Variants in DPH6 observed in about 807,000 individuals in gnomAD.
The protein encoded by DPH6 is diphthamine biosynthesis 6.
A neutral mutation model predicts 38.2 loss-of-function variants in DPH6; 33 were observed. The ratio of observed to expected loss-of-function variants is 0.86; its 90% CI spans 0.65 to 1.15. DPH6 has a LOEUF of 1.15. Ranked by LOEUF, DPH6 falls within the 50% of genes most tolerant of loss-of-function variation. The pLI is 0.00. For missense variants in DPH6, 325 were observed against 320.0 expected (o/e 1.02, Z -0.12); for synonymous variants, 108 against 103.0 (o/e 1.05, Z -0.30).
chr15:35,330,314 A>AT (rs1417635594), downstream of DPH6, among the ~76,000 whole-genome samples: 1 of 152,188 alleles, frequency 6.6e-6, no homozygotes, highest in African/African-American at 2.4e-5. Context: ...GGTGATTTCC[A>AT]TTTTTATGAA....
chr15:35,378,061 C>T (rs1456128028), intron 7 of DPH6, among the ~76,000 whole-genome samples: 4 of 151,960 alleles, frequency 2.6e-5, no homozygotes, highest in Admixed American at 2.0e-4. Context: ...CCACACTGAT[C>T]TCTCTAAATT....
chr15:35,354,122 A>C (rs1404214961), intron 3 of DPH6, among the ~76,000 whole-genome samples: 1 of 152,176 alleles, frequency 6.6e-6, no homozygotes, highest in Non-Finnish European at 1.5e-5. Context: ...ATTTTTGCAC[A>C]TTGATTTTGT....
At chr15:35,467,998 T>C (rs2054149531) in intron 3 of DPH6, among the ~76,000 whole-genome samples, 1 of 152,216 alleles carries the variant, frequency 6.6e-6, no homozygotes, top group South Asian at 2.1e-4. Flanking sequence ...AACCAAAACA[T>C]TGTTAAGTGG....
rs530781837 is a variant in DPH6, at chr15:35,543,533, T to A, written c.24-1026A>T. On this transcript the variant is annotated intron_variant, in intron 1 of 8. Coordinates refer to ENST00000256538, the MANE Select transcript of DPH6 (RefSeq NM_080650.4). ...CTCTCCCTTTTACATTTCTTTTTCC[T>A]CCTGTTTCCCTTCTTTCCAATATTT... is the stretch of plus-strand genomic sequence containing the variant. 9.9e-5 allele frequency among the ~76,000 whole-genome samples: 15 copies of A among 152,166 alleles called. No homozygotes were observed. The South Asian group carries it at 3.1e-3, about 32-fold the overall frequency.
chr15:35,182,220 A>ATTTTTTTTTTT, the DPH6 span, among the ~76,000 whole-genome samples: 3 of 86,012 alleles, frequency 3.5e-5, no homozygotes, highest in African/African-American at 7.8e-5. Context: ...AACTCTAAGA[A>ATTTTTTTTTTT]TTTTTTTTTT....
chr15:35,467,306 C>T (rs753123987), intron 3 of DPH6, among the ~76,000 whole-genome samples: 2 of 152,004 alleles, frequency 1.3e-5, no homozygotes, highest in Non-Finnish European at 1.5e-5. Flanking sequence ...GGCTCATGCC[C>T]GTAATCCCAG....
intron 7 of DPH6, among the ~76,000 whole-genome samples, chr15:35,379,593 C>T (rs1319446397): frequency 6.6e-6 from 1 of 152,164 alleles, no homozygotes; most frequent in Non-Finnish European, 1.5e-5. Flanking sequence ...AACATGTTCA[C>T]TCACATCTTC....
chr15:35,538,401 G>T lies in DPH6; in HGVS notation c.185C>A (p.Ala62Glu). The T allele has an allele frequency of 6.2e-7, 1 of 1,608,932 alleles. No individual in the cohort carries two copies. The highest frequency in any genetic ancestry group is 1.1e-5 in the South Asian group (1 of 90,480). ...ATAGAGGGGAAGAGCCATTGCTTCT[G>T]CATACAAGTCAATGGCATGGTGCCC... ...TVGHHAIDLY[A>E]EAMALPLYRR... is the part of the protein sequence containing the mutation. Residue 62 changes from alanine to glutamate, a missense_variant, in exon 3 of 9, where the codon GCA becomes GAA. Physicochemically the swap from Ala to Glu is moderately radical, Grantham distance 107. Coordinates refer to ENST00000256538, the MANE Select transcript of DPH6 (RefSeq NM_080650.4).
At chr15:35,300,232 T>C (rs150778998) in intron 3 of DPH6, among the ~76,000 whole-genome samples, 39 of 152,136 alleles carry the variant, frequency 2.6e-4, no homozygotes, top group African/African-American at 8.2e-4. Context: ...TATAATCATG[T>C]AGTACTCATA....
At chr15:35,436,310 CA>C (rs1266918405) in intron 5 of DPH6, among the ~76,000 whole-genome samples, 1 of 150,990 alleles carries the variant, frequency 6.6e-6, no homozygotes, top group Non-Finnish European at 1.5e-5. Flanking sequence ...ACTAAAAATA[CA>C]AAAAATTAGC....
chr15:35,492,505 T>C (rs984478165), intron 3 of DPH6, among the ~76,000 whole-genome samples: 1 of 152,180 alleles, frequency 6.6e-6, no homozygotes, highest in African/African-American at 2.4e-5. Context: ...TTGGTAATAA[T>C]AATCTATAGT....
chr15:35,334,487 G>C (rs1172293976), intron 3 of DPH6, among the ~76,000 whole-genome samples: 3 of 151,900 alleles, frequency 2.0e-5, no homozygotes, highest in Non-Finnish European at 4.4e-5. Flanking sequence ...TTGCTGCACA[G>C]ATCATCCCAT....
chr15:35,502,067 G>A (rs2054634581), intron 3 of DPH6, among the ~76,000 whole-genome samples: 1 of 151,934 alleles, frequency 6.6e-6, no homozygotes, highest in Non-Finnish European at 1.5e-5. Flanking sequence ...TCAGAATATG[G>A]GGAAAAATAA....
intron 3 of DPH6, among the ~76,000 whole-genome samples, chr15:35,345,352 A>T (rs2052453416): frequency 6.6e-6 from 1 of 151,796 alleles, no homozygotes; most frequent in African/African-American, 2.4e-5. Flanking sequence ...TAATTTATAC[A>T]TTTATTTATT....
At chr15:35,471,753 GAAGT>G (rs533888849) in intron 3 of DPH6, among the ~76,000 whole-genome samples, 81 of 152,222 alleles carry the variant, frequency 5.3e-4, no homozygotes, top group Admixed American at 2.3e-3. Flanking sequence ...TTACTGATCA[GAAGT>G]AAGCTCTCTC....
chr15:35,339,000 G>C (rs937217595), intron 3 of DPH6, among the ~76,000 whole-genome samples: 1 of 152,002 alleles, frequency 6.6e-6, no homozygotes, highest in Non-Finnish European at 1.5e-5. Flanking sequence ...CTTGGACACA[G>C]GAAGGGGAAC....
the DPH6 span, among the ~76,000 whole-genome samples, chr15:35,199,646 T>A: frequency 6.6e-6 from 1 of 152,130 alleles, no homozygotes; most frequent in Non-Finnish European, 1.5e-5. Context: ...TCATGCTATT[T>A]TAAAATGTAA....
chr15:35,309,575 G>T (rs1478732546), intron 3 of DPH6, among the ~76,000 whole-genome samples: 3 of 152,098 alleles, frequency 2.0e-5, no homozygotes, highest in Admixed American at 6.5e-5. Context: ...GAGCGAAAAG[G>T]CATAGGGGGA....
the DPH6 span, among the ~76,000 whole-genome samples, chr15:35,194,798 C>T: frequency 6.6e-6 from 1 of 152,122 alleles, no homozygotes; most frequent in Non-Finnish European, 1.5e-5. Flanking sequence ...CTTAAAACAA[C>T]TTTTTATTGA....
Sources: gnomAD v4.1 joint callset for allele counts (sites outside exome capture counted in the v4.1 genomes callset) on GRCh38, gnomAD v4.1.1 for gene constraint, MANE v1.5 for transcripts, NCBI Gene and HGNC (gene_info 2026-07-23, HGNC 2026-07-21) for gene names.